Variants in SYNPR observed in about 807,000 individuals in gnomAD.
SYNPR encodes synaptoporin.
Under a neutral mutation model 32.9 loss-of-function variants are expected in SYNPR, and 23 were observed. The ratio of observed to expected loss-of-function variants is 0.70; its 90% CI spans 0.50 to 0.99. The LOEUF (loss-of-function observed/expected upper bound fraction) is 0.99. Ranked by LOEUF, SYNPR falls within the 50% of genes least tolerant of loss-of-function variation. The pLI, the probability that SYNPR is intolerant of heterozygous loss-of-function variation, is 0.00. For missense variants in SYNPR, 318 were observed against 349.3 expected, an observed-to-expected ratio of 0.91 and a Z score of 0.71; for synonymous variants, 146 against 135.9, an observed-to-expected ratio of 1.07 and a Z score of -0.52.
At position 63,438,414 on chromosome 3, in the gene SYNPR, G is replaced by A. The variant is rs569481432; in HGVS notation, c.85-42418G>A. 3.0e-3 allele frequency among the ~76,000 whole-genome samples: 459 copies of A among 152,146 alleles called. 2 individuals are homozygous for A. The highest frequency in any genetic ancestry group is 6.8e-3 in the Middle Eastern group (2 of 294). ...TTGCTATGTTGCCTAGGCTGGTCTC[G>A]AACTCCCGGCCTTGCCTACCTTATG... On this transcript the variant is annotated intron_variant, in intron 2 of 5. Coordinates refer to ENST00000478300, the MANE Select transcript of SYNPR (RefSeq NM_001130003.2).
At chr3:63,544,352 A>G (rs916585279) in intron 3 of SYNPR, among the ~76,000 whole-genome samples, 1 of 152,108 alleles carries the variant, frequency 6.6e-6, no homozygotes, top group Non-Finnish European at 1.5e-5. Context: ...CATTTTCTCA[A>G]AAAGGATTTG....
chr3:63,230,292 A>G (rs2086157193), intron 1 of SYNPR, among the ~76,000 whole-genome samples: 1 of 152,102 alleles, frequency 6.6e-6, no homozygotes, highest in Non-Finnish European at 1.5e-5. Flanking sequence ...GATATTTGCT[A>G]TTTATTCTTT....
chr3:63,428,601 C>T (rs753806218), intron 2 of SYNPR, among the ~76,000 whole-genome samples: 9 of 152,200 alleles, frequency 5.9e-5, no homozygotes, highest in Non-Finnish European at 1.0e-4. Flanking sequence ...TTCTGCTGAT[C>T]AGCTGGGCTT....
intron 2 of SYNPR, among the ~76,000 whole-genome samples, chr3:63,437,805 C>A (rs543737622): frequency 2.6e-4 from 39 of 152,060 alleles, no homozygotes; most frequent in Admixed American, 6.6e-4. Flanking sequence ...GAATAAATAC[C>A]CTGACCTCAG....
upstream of SYNPR, among the ~76,000 whole-genome samples, chr3:63,225,368 A>G (rs752872010): frequency 7.9e-5 from 12 of 152,138 alleles, no homozygotes; most frequent in Non-Finnish European, 1.5e-4. Context: ...TCTGTGCTGC[A>G]TTTACCAACA....
chr3:63,583,383 G>C (rs1218309546), intron 4 of SYNPR, among the ~76,000 whole-genome samples: 1 of 152,042 alleles, frequency 6.6e-6, no homozygotes, highest in Non-Finnish European at 1.5e-5. Context: ...TGACATTCCT[G>C]TCTTTTTATT....
chr3:63,402,446 G>C (rs759439340), intron 2 of SYNPR, among the ~76,000 whole-genome samples: 1 of 152,178 alleles, frequency 6.6e-6, no homozygotes, highest in Non-Finnish European at 1.5e-5. Flanking sequence ...AAGCAAGTTA[G>C]TATTTTATAA....
At chr3:63,258,341 T>C (rs1319356061) in intron 2 of SYNPR, among the ~76,000 whole-genome samples, 1 of 152,150 alleles carries the variant, frequency 6.6e-6, no homozygotes, top group African/African-American at 2.4e-5. Flanking sequence ...CCTCAGCAAA[T>C]GTAAAAGAAC....
At chr3:63,493,916 T>A (rs1566969) in intron 3 of SYNPR, among the ~76,000 whole-genome samples, 2 of 151,366 alleles carry the variant, frequency 1.3e-5, no homozygotes, top group East Asian at 1.9e-4. Context: ...TCTTAAATAA[T>A]CCCCAAGTAA....
At chr3:63,248,376 G>A (rs932988520) in intron 1 of SYNPR, among the ~76,000 whole-genome samples, 4 of 152,088 alleles carry the variant, frequency 2.6e-5, no homozygotes, top group African/African-American at 9.7e-5. Flanking sequence ...GGTGAAGTGT[G>A]GTGGTTGCAG....
chr3:63,494,592 C>T (rs1295182581), intron 3 of SYNPR, among the ~76,000 whole-genome samples: 2 of 150,586 alleles, frequency 1.3e-5, no homozygotes, highest in African/African-American at 4.9e-5. Flanking sequence ...TCAAAAAAGG[C>T]CACTATTGAT....
the SYNPR span, among the ~76,000 whole-genome samples, chr3:63,218,894 T>G: frequency 6.6e-6 from 1 of 152,200 alleles, no homozygotes; most frequent in African/African-American, 2.4e-5. Flanking sequence ...CCTGACTCCT[T>G]GGAGCTTTTA....
chr3:63,242,856 C>G (rs191922930), intron 1 of SYNPR, among the ~76,000 whole-genome samples: 1 of 151,852 alleles, frequency 6.6e-6, no homozygotes, highest in Non-Finnish European at 1.5e-5. Context: ...AAAACAAGCA[C>G]AAAACAGTAT....
intron 2 of SYNPR, among the ~76,000 whole-genome samples, chr3:63,370,985 A>C (rs1232806383): frequency 6.6e-6 from 1 of 152,138 alleles, no homozygotes; most frequent in African/African-American, 2.4e-5. Flanking sequence ...TCACGGACAG[A>C]AGAAACAGTG....
intron 2 of SYNPR, among the ~76,000 whole-genome samples, chr3:63,259,702 T>C (rs904850010): frequency 4.6e-5 from 7 of 152,266 alleles, no homozygotes; most frequent in African/African-American, 1.4e-4. Context: ...CTATTCAACA[T>C]AGTGTTGGAA....
At chr3:63,394,547 T>C (rs1033853520) in intron 2 of SYNPR, among the ~76,000 whole-genome samples, 2 of 152,208 alleles carry the variant, frequency 1.3e-5, no homozygotes, top group African/African-American at 4.8e-5. Context: ...TTTTTTTTCC[T>C]TCAAAATGGC....
intron 2 of SYNPR, among the ~76,000 whole-genome samples, chr3:63,395,529 A>G (rs2088200097): frequency 6.6e-6 from 1 of 152,224 alleles, no homozygotes; most frequent in African/African-American, 2.4e-5. Context: ...TGAGGAAAAT[A>G]CTATAATTAT....
chr3:63,583,629 A>G (rs1703131072), intron 4 of SYNPR, among the ~76,000 whole-genome samples: 2 of 152,108 alleles, frequency 1.3e-5, no homozygotes, highest in Admixed American at 1.3e-4. Context: ...CCCTAATAAA[A>G]TAAGTTCTCT....
chr3:63,607,978 A>G (rs1348060455), intron 4 of SYNPR, among the ~76,000 whole-genome samples: 1 of 152,220 alleles, frequency 6.6e-6, no homozygotes, highest in Non-Finnish European at 1.5e-5. Flanking sequence ...ATTATTAAGA[A>G]CAAAAGGGCA....
Sources: gnomAD v4.1 joint callset for allele counts (sites outside exome capture counted in the v4.1 genomes callset) on GRCh38, gnomAD v4.1.1 for gene constraint, MANE v1.5 for transcripts, NCBI Gene and HGNC (gene_info 2026-07-23, HGNC 2026-07-21) for gene names.